Variants in HERC3 observed in about 807,000 individuals in gnomAD.
HERC3 encodes HECT and RLD domain containing E3 ubiquitin protein ligase 3.
HERC3 carries 58 observed loss-of-function variants against 129.9 expected under a neutral mutation model. That is an observed-to-expected ratio of 0.45 (90% CI 0.36 to 0.56). HERC3 has a LOEUF of 0.56. Ranked by LOEUF, HERC3 falls within the 20% of genes least tolerant of loss-of-function variation. The probability of loss-of-function intolerance (pLI) is 0.00; values close to 1 mark genes in which losing one functional copy is unlikely to be tolerated. For synonymous variants in HERC3, 430 were observed against 451.0 expected (o/e 0.95, Z 0.59); for missense variants, 835 against 1,244.2 (o/e 0.67, Z 4.95).
At chr4:88,637,653 C>A (rs1283979773) in intron 3 of HERC3, among the ~76,000 whole-genome samples, 1 of 152,138 alleles carries the variant, frequency 6.6e-6, no homozygotes. Flanking sequence ...CTAGAAAGAT[C>A]TCAAATCAAC....
chr4:88,617,484 A>G (rs1016876797), intron 3 of HERC3, among the ~76,000 whole-genome samples: 1 of 152,212 alleles, frequency 6.6e-6, no homozygotes, highest in African/African-American at 2.4e-5. Context: ...TACTATATGA[A>G]CTGTGCTGAT....
At chr4:88,688,921 TC>T (rs200999478) in intron 23 of HERC3, among the ~76,000 whole-genome samples, 1,783 of 152,302 alleles carry the variant, frequency 0.012, 48 homozygotes, top group African/African-American at 0.041. Flanking sequence ...CATTGAAACT[TC>T]CTGGCTTAAG....
the HERC3 span, among the ~76,000 whole-genome samples, chr4:88,531,724 G>A: frequency 3.3e-5 from 5 of 152,172 alleles, no homozygotes; most frequent in African/African-American, 9.7e-5. Flanking sequence ...ATACACACAC[G>A]TGAAATTTGA....
At chr4:88,573,135 C>A in the HERC3 span, among the ~76,000 whole-genome samples, 1 of 152,116 alleles carries the variant, frequency 6.6e-6, no homozygotes, top group Admixed American at 6.5e-5. Flanking sequence ...ATTAAGACTG[C>A]TTTTTGTTCA....
the HERC3 span, among the ~76,000 whole-genome samples, chr4:88,544,746 G>T: frequency 1.3e-5 from 2 of 152,154 alleles, no homozygotes; most frequent in African/African-American, 4.8e-5. Flanking sequence ...GCCATAAAAA[G>T]GATGAGTTCA....
chr4:88,592,157 G>A (rs1324138838), upstream of HERC3, among the ~76,000 whole-genome samples: 1 of 152,334 alleles, frequency 6.6e-6, no homozygotes, highest in Non-Finnish European at 1.5e-5. Context: ...ACCGCTGATC[G>A]GTCCAGCTCG....
At position 88,687,887 on chromosome 4, in the gene HERC3, TAGAGG is replaced by T. The variant is rs369766995; in HGVS notation, c.2657+593_2657+597del. Among the ~76,000 whole-genome samples, 817 of 152,330 alleles carry T rather than the reference TAGAGG, an allele frequency of 5.4e-3. 4 individuals are homozygous for T. Among genetic ancestry groups the T allele is most frequent in the East Asian group, 0.012 (62 of 5,188 alleles). ...ATTCATAATCTCTGAGTTAACTCTT[TAGAGG>T]AGAGAAGATACTCAATTTTGCTTAC... is the stretch of plus-strand genomic sequence containing the variant. On this transcript the variant is annotated intron_variant, in intron 23 of 25. Coordinates refer to ENST00000402738, the MANE Select transcript of HERC3 (RefSeq NM_014606.3).
chr4:88,567,654 C>G, the HERC3 span, among the ~76,000 whole-genome samples: 4 of 152,272 alleles, frequency 2.6e-5, no homozygotes, highest in African/African-American at 9.6e-5. Flanking sequence ...TTATTTCAAT[C>G]TCTTTGTTAA....
the HERC3 span, among the ~76,000 whole-genome samples, chr4:88,535,471 T>A: frequency 2.0e-5 from 3 of 152,208 alleles, no homozygotes; most frequent in Non-Finnish European, 4.4e-5. Context: ...TAAATCAGAA[T>A]GATCTTCTTA....
intron 2 of HERC3, among the ~76,000 whole-genome samples, chr4:88,596,250 T>A (rs923136867): frequency 6.6e-6 from 1 of 152,184 alleles, no homozygotes. Context: ...AGAGGTTAGA[T>A]CAAATGGACT....
rs369666831 is a variant in HERC3, at chr4:88,597,218, T to G, written c.-30+1604T>G. Among the ~76,000 whole-genome samples, 33 of 152,364 alleles carry G rather than the reference T, an allele frequency of 2.2e-4. No homozygotes were observed. The East Asian group carries it at 3.1e-3, about 14-fold the overall frequency. ...CACCTAGGGCTACTTACATTAAAATTTATTAAAATAAAATATTAACTATTT... is the reference window on the plus strand; with the variant it reads ...CACCTAGGGCTACTTACATTAAAATGTATTAAAATAAAATATTAACTATTT... On this transcript the variant is annotated intron_variant, in intron 2 of 25. Coordinates refer to ENST00000402738, the MANE Select transcript of HERC3 (RefSeq NM_014606.3).
At chr4:88,524,253 G>A in the HERC3 span, among the ~76,000 whole-genome samples, 1 of 152,260 alleles carries the variant, frequency 6.6e-6, no homozygotes, top group African/African-American at 2.4e-5. Flanking sequence ...TGGAAGGAAG[G>A]GCCTAGGCCT....
chr4:88,695,094 T>G (rs905551290), intron 23 of HERC3, among the ~76,000 whole-genome samples: 51 of 152,292 alleles, frequency 3.3e-4, no homozygotes, highest in African/African-American at 1.2e-3. Flanking sequence ...ATATAAGAAA[T>G]CAATATTAAA....
At chr4:88,685,610 G>A (rs901755055) in intron 21 of HERC3, among the ~76,000 whole-genome samples, 1 of 152,082 alleles carries the variant, frequency 6.6e-6, no homozygotes, top group Non-Finnish European at 1.5e-5. Context: ...GGTGGAGGTG[G>A]GAACGGGAGG....
In HERC3 at chr4:88,595,100, C is replaced by CAAAAAAA. The variant is rs758727600; in HGVS notation, c.-87-440_-87-434dup. On this transcript the variant is annotated intron_variant, in intron 1 of 25. Transcript: ENST00000402738. ...TGGGTGAAAGAGCCAGACTCTGTCT[C>CAAAAAAA]AAAAAAAAAAAAAAAAAAAAAAAGA... Among the ~76,000 whole-genome samples the CAAAAAAA allele has an allele frequency of 4.9e-3, 290 of 59,500 alleles. 1 individual carries two copies. Among genetic ancestry groups the CAAAAAAA allele is most frequent in the Middle Eastern group, 0.015 (1 of 66 alleles). 39.0% of individuals were successfully genotyped at this position (59,500 alleles called of 152,430 possible).
intron 3 of HERC3, among the ~76,000 whole-genome samples, chr4:88,620,836 T>G (rs190107207): frequency 9.2e-5 from 14 of 152,264 alleles, no homozygotes; most frequent in Admixed American, 6.5e-4. Flanking sequence ...TTCCTCTGGT[T>G]CCTATATGCC....
chr4:88,543,844 C>T, the HERC3 span, among the ~76,000 whole-genome samples: 28,729 of 151,980 alleles, frequency 0.19, 3,139 homozygotes, highest in East Asian at 0.49. Context: ...TAATAAATGG[C>T]GTTGGGAAAA....
At chr4:88,693,555 G>A (rs1409570797) in intron 23 of HERC3, 2 of 949,864 alleles carry the variant, frequency 2.1e-6, no homozygotes, top group African/African-American at 1.8e-5. Context: ...TTAACTAGAA[G>A]GTGGTGGTTG....
At chr4:88,651,976 ATATC>A in intron 4 of HERC3, 32 bp from the exon 5 acceptor site, 1 of 1,308,828 alleles carries the variant, frequency 7.6e-7, no homozygotes, top group Non-Finnish European at 1.1e-6. Context: ...TTGTGTGTGA[ATATC>A]TATCTGAAAA....
Sources: allele counts gnomAD v4.1 joint callset (sites outside exome capture counted in the v4.1 genomes callset), GRCh38; gene constraint gnomAD v4.1.1; transcripts MANE v1.5; gene names NCBI Gene and HGNC (gene_info 2026-07-23, HGNC 2026-07-21).